DAB1: variants seen among roughly 807,000 people sequenced by gnomAD.
The protein encoded by DAB1 is disabled homolog 1.
In DAB1, 15 loss-of-function variants were observed where a neutral mutation model predicts 64.6. The ratio of observed to expected loss-of-function variants is 0.23; its 90% CI spans 0.16 to 0.36. The LOEUF is 0.36. Among genes scored for constraint, DAB1 ranks in the 10% least tolerant of loss-of-function variants. The pLI is 1.00. For missense variants in DAB1, 596 were observed against 706.7 expected, an observed-to-expected ratio of 0.84 and a Z score of 1.78; for synonymous variants, 235 against 251.9, an observed-to-expected ratio of 0.93 and a Z score of 0.64.
At chr1:57,133,155 GC>G (rs1657780753) in intron 4 of DAB1, among the ~76,000 whole-genome samples, 1 of 152,168 alleles carries the variant, frequency 6.6e-6, no homozygotes, top group African/African-American at 2.4e-5. Flanking sequence ...AAATGAATAA[GC>G]AAAATTCACG....
intron 3 of DAB1, chr1:58,480,891 A>T (rs1368920078): frequency 1.9e-5 from 14 of 729,782 alleles, no homozygotes; most frequent in Non-Finnish European, 3.0e-5. Flanking sequence ...TTCAAACATC[A>T]TTTTTTAAAA....
chr1:57,454,120 C>T (rs921412160), intron 7 of DAB1, among the ~76,000 whole-genome samples: 12 of 152,106 alleles, frequency 7.9e-5, no homozygotes, highest in African/African-American at 2.9e-4. Context: ...GTTCTGACTT[C>T]TGTTCTTTAG....
chr1:57,371,178 C>A (rs188574785), intron 1 of DAB1, among the ~76,000 whole-genome samples: 6 of 152,156 alleles, frequency 3.9e-5, no homozygotes. Flanking sequence ...AAAGACCAGA[C>A]GGGGGACCTG....
intron 6 of DAB1, among the ~76,000 whole-genome samples, chr1:57,730,116 G>C (rs192150820): frequency 1.3e-5 from 2 of 152,104 alleles, no homozygotes; most frequent in Non-Finnish European, 2.9e-5. Flanking sequence ...TCTCAAACTG[G>C]GCACCTACTG....
chr1:57,636,139 T>G (rs1222364611), intron 7 of DAB1, among the ~76,000 whole-genome samples: 1 of 135,180 alleles, frequency 7.4e-6, no homozygotes, highest in African/African-American at 2.7e-5. Flanking sequence ...GGTGCCCTTA[T>G]AAGAAAATGA....
At chr1:57,815,088 T>C (rs895935774) in intron 6 of DAB1, among the ~76,000 whole-genome samples, 1 of 152,152 alleles carries the variant, frequency 6.6e-6, no homozygotes, top group Non-Finnish European at 1.5e-5. Flanking sequence ...GTTTGTTTTT[T>C]TGAGACAGAG....
chr1:57,163,074 G>A (rs1477797209), intron 2 of DAB1, among the ~76,000 whole-genome samples: 1 of 152,196 alleles, frequency 6.6e-6, no homozygotes, highest in Non-Finnish European at 1.5e-5. Context: ...TGTACTGAAT[G>A]CCCACTACGT....
Position 58,519,150 on chromosome 1 carries a change from G to T in DAB1, n.107+8111C>A, listed in dbSNP as rs145367752. ...GTTGAGGTATAAGGGTCATAACAGA[G>T]AATTTTTAAAAGTCTCCACAATGAA... is the stretch of plus-strand genomic sequence containing the variant. On this transcript the variant is annotated intron_variant and non_coding_transcript_variant, in intron 2 of 20. Transcript: ENST00000485760. Among the ~76,000 whole-genome samples the T allele has an allele frequency of 6.6e-5, 10 of 152,292 alleles. No homozygotes were observed. The East Asian group carries it at 1.9e-3, about 29-fold the overall frequency.
At chr1:58,448,412 CTG>C (rs1195115530) in intron 3 of DAB1, among the ~76,000 whole-genome samples, 1 of 152,144 alleles carries the variant, frequency 6.6e-6, no homozygotes, top group African/African-American at 2.4e-5. Context: ...AATAAGAAAA[CTG>C]AGATCAAAGA....
chr1:57,295,319 T>C (rs1254875409), intron 1 of DAB1, among the ~76,000 whole-genome samples: 1 of 152,178 alleles, frequency 6.6e-6, no homozygotes, highest in Non-Finnish European at 1.5e-5. Context: ...AAAAACATAA[T>C]GTAGTGCTAA....
At chr1:58,055,268 T>C (rs148893285) in intron 5 of DAB1, among the ~76,000 whole-genome samples, 8 of 152,288 alleles carry the variant, frequency 5.3e-5, no homozygotes, top group African/African-American at 1.9e-4. Context: ...TGCACATCCT[T>C]GATTCTTCTC....
chr1:57,288,865 G>A (rs1221219739), intron 2 of DAB1, among the ~76,000 whole-genome samples: 1 of 152,170 alleles, frequency 6.6e-6, no homozygotes, highest in Non-Finnish European at 1.5e-5. Flanking sequence ...TACATGCCAA[G>A]TAATAAGTAT....
chr1:57,672,876 T>A (rs1000368261), intron 6 of DAB1, among the ~76,000 whole-genome samples: 1 of 152,166 alleles, frequency 6.6e-6, no homozygotes, highest in African/African-American at 2.4e-5. Context: ...TAACATAGCT[T>A]TTGTCACAGA....
At chr1:57,389,812 T>C (rs920688391) in intron 1 of DAB1, among the ~76,000 whole-genome samples, 1 of 152,158 alleles carries the variant, frequency 6.6e-6, no homozygotes, top group Non-Finnish European at 1.5e-5. Flanking sequence ...AAAATTTAGA[T>C]ACCTAACTCC....
intron 7 of DAB1, among the ~76,000 whole-genome samples, chr1:57,544,332 T>C (rs926662881): frequency 1.3e-5 from 2 of 152,222 alleles, no homozygotes; most frequent in African/African-American, 4.8e-5. Flanking sequence ...TTCATACACA[T>C]TATTTTATTT....
At chr1:57,104,370 A>G (rs1025389319) in intron 4 of DAB1, among the ~76,000 whole-genome samples, 4 of 152,138 alleles carry the variant, frequency 2.6e-5, no homozygotes, top group African/African-American at 9.7e-5. Flanking sequence ...TTCACCACAG[A>G]TAGTTTAAAA....
intron 9 of DAB1, among the ~76,000 whole-genome samples, chr1:57,061,438 C>T (rs1294213027): frequency 6.6e-6 from 1 of 152,154 alleles, no homozygotes; most frequent in African/African-American, 2.4e-5. Context: ...ATTTGTGAAT[C>T]GCCCTGGTAA....
intron 5 of DAB1, among the ~76,000 whole-genome samples, chr1:58,060,662 A>G (rs1265423497): frequency 6.6e-6 from 1 of 152,184 alleles, no homozygotes; most frequent in African/African-American, 2.4e-5. Context: ...GGGCCCACAA[A>G]GTCCTGGCCT....
At chr1:57,428,783 C>T (rs1209252519), upstream of DAB1, among the ~76,000 whole-genome samples, 1 of 146,544 alleles carries the variant, frequency 6.8e-6, no homozygotes, top group Non-Finnish European at 1.5e-5. Flanking sequence ...CCACCAACAG[C>T]GTACAAAGGT....
Sources: allele counts gnomAD v4.1 joint callset (sites outside exome capture counted in the v4.1 genomes callset), GRCh38; gene constraint gnomAD v4.1.1; transcripts MANE v1.5; gene names NCBI Gene and HGNC (gene_info 2026-07-23, HGNC 2026-07-21).